The following PIK3C2A variants were observed in gnomAD, a reference collection of about 807,000 sequenced individuals.
The protein encoded by PIK3C2A is phosphatidylinositol 4-phosphate 3-kinase C2 domain-containing subunit alpha.
PIK3C2A carries 97 observed loss-of-function variants against 204.5 expected under a neutral mutation model. That is an observed-to-expected ratio of 0.47 (90% CI 0.40 to 0.56). The LOEUF is 0.56. Among genes scored for constraint, PIK3C2A ranks in the 20% least tolerant of loss-of-function variants. The probability of loss-of-function intolerance (pLI) is 0.00; values close to 1 mark genes in which losing one functional copy is unlikely to be tolerated. For synonymous variants in PIK3C2A, 653 were observed against 664.4 expected, an observed-to-expected ratio of 0.98 and a Z score of 0.26; for missense variants, 1,735 against 1,969.2, an observed-to-expected ratio of 0.88 and a Z score of 2.25.
In PIK3C2A at chr11:17,144,541, T is replaced by C. The variant is rs148655054; in HGVS notation, c.1704+1127A>G. Among the ~76,000 whole-genome samples, 54 of 152,190 alleles carry C rather than the reference T, an allele frequency of 3.5e-4. No individual in the cohort carries two copies. The East Asian group carries it at 9.3e-3, about 26-fold the overall frequency. The stretch of plus-strand genomic sequence containing the variant: ...GAGAATAAACATGTTAATTTAAGCA[T>C]TACTGAAAATTTTGGGGGTAAGTTA... On this transcript the variant is annotated intron_variant, in intron 8 of 32. Coordinates refer to ENST00000691414, the MANE Select transcript of PIK3C2A (RefSeq NM_002645.4).
At chr11:17,166,505 A>G (rs1744621547) in intron 2 of PIK3C2A, among the ~76,000 whole-genome samples, 1 of 152,216 alleles carries the variant, frequency 6.6e-6, no homozygotes, top group African/African-American at 2.4e-5. Flanking sequence ...TGACTTTTCA[A>G]TAATGGGAAG....
chr11:17,134,810 GT>G lies in PIK3C2A; in HGVS notation c.2108+8del. On this transcript the variant is annotated splice_region_variant and intron_variant, in intron 11 of 32. Coordinates refer to ENST00000691414, the MANE Select transcript of PIK3C2A (RefSeq NM_002645.4). ...GCCACCATGCCTGGCTGCTTAAACA[GT>G]TACTTACTTTGATACCCAATTACTT... 1 of 1,602,572 alleles carries G rather than the reference GT, an allele frequency of 6.2e-7. No individual in the cohort carries two copies. Among genetic ancestry groups the G allele is most frequent in the Non-Finnish European group, 8.6e-7 (1 of 1,169,490 alleles).
intron 8 of PIK3C2A, among the ~76,000 whole-genome samples, chr11:17,142,732 C>T (rs1259708427): frequency 1.3e-5 from 2 of 152,042 alleles, no homozygotes; most frequent in African/African-American, 2.4e-5. Context: ...ATCCATCCAT[C>T]GATCCATCCA....
chr11:17,123,730 T>C (rs1849436586), intron 13 of PIK3C2A, among the ~76,000 whole-genome samples: 1 of 151,414 alleles, frequency 6.6e-6, no homozygotes. Flanking sequence ...TGTATATGCA[T>C]GCTATGCTCT....
In PIK3C2A at chr11:17,145,956, T is replaced by A; in HGVS notation, c.1561-14A>T. The A allele has an allele frequency of 8.1e-6, 13 of 1,596,030 alleles. No homozygotes were observed. The highest frequency in any genetic ancestry group is 1.1e-5 in the Non-Finnish European group (13 of 1,165,468). On this transcript the variant is annotated splice_polypyrimidine_tract_variant and intron_variant, in intron 6 of 32. Transcript: ENST00000691414. ...ATCATCTTCTGCCTAAACAAACACA[T>A]ATACACAAAAAAATCACATCCACTC...
Position 17,097,019 on chromosome 11 carries a change from C to T in PIK3C2A, c.4326+38G>A, listed in dbSNP as rs778934208. The T allele has an allele frequency of 1.2e-5, 14 of 1,180,484 alleles. No individual in the cohort carries two copies. The African/African-American group carries it at 1.7e-4, about 14-fold the overall frequency. The allele number at this position is 1,180,484 out of a possible 1,614,324, so 73.1% of individuals were successfully genotyped here. Reference sequence around the variant, plus strand: ...GGAAGTAGAAAGGACAACAATAATACATGCATGATTGTTTATGAATATTGA... The same window carrying T: ...GGAAGTAGAAAGGACAACAATAATATATGCATGATTGTTTATGAATATTGA... On this transcript the variant is annotated intron_variant, in intron 27 of 32. Coordinates refer to ENST00000691414, the MANE Select transcript of PIK3C2A (RefSeq NM_002645.4).
chr11:17,122,132 C>T, intron 15 of PIK3C2A, 56 bp downstream of exon 15: 1 of 1,105,332 alleles, frequency 9.0e-7, no homozygotes, highest in African/African-American at 1.6e-5. Flanking sequence ...TAAGTCCTAA[C>T]TTGACTTTTA....
chr11:17,162,758 G>A, intron 2 of PIK3C2A, among the ~76,000 whole-genome samples: 1 of 152,094 alleles, frequency 6.6e-6, no homozygotes, highest in South Asian at 2.1e-4. Flanking sequence ...CTGCTTCAGG[G>A]GCTGCCTGAT....
chr11:17,089,917 C>A lies in PIK3C2A; in HGVS notation c.4882G>T (p.Val1628Leu). 1 of 1,545,202 alleles carries A rather than the reference C, an allele frequency of 6.5e-7. No homozygotes were observed. Among genetic ancestry groups the A allele is most frequent in the Admixed American group, 2.1e-5 (1 of 48,128 alleles). The change falls in exon 33 of 33, where the codon GTA (valine) becomes TTA (leucine). Residue 1628 changes from valine (V) to leucine (L), a missense_variant. Val to Leu is a conservative substitution (Grantham distance 32). Around this residue, in one of 6 missense-constraint regions of PIK3C2A, gnomAD observed 503 missense variants for 669.0 expected, o/e 0.75. Transcript: ENST00000691414. ...GTTTCTTTGCTATATCCACTGTATA[C>A]AAGCTACAACAAAGGAAAAAAGAAC... ...TRNPTFNEML[V>L]YSGYSKETLR...
intron 2 of PIK3C2A, 75 bp from the exon 3 acceptor site, chr11:17,155,704 C>T (rs2137448963): frequency 1.4e-6 from 1 of 723,168 alleles, no homozygotes; most frequent in Non-Finnish European, 2.4e-6. Flanking sequence ...AGCACAAACA[C>T]ATTTTTATGA....
intron 6 of PIK3C2A, 116 bp downstream of exon 6, chr11:17,147,401 T>C: frequency 1.6e-6 from 1 of 636,988 alleles, no homozygotes; most frequent in East Asian, 2.8e-5. Flanking sequence ...TGAGGATGAG[T>C]TCATCACCCC....
chr11:17,091,424 G>C lies in PIK3C2A; in HGVS notation c.4788C>G (p.Val1596=). 1 of 1,613,682 alleles carries C rather than the reference G, an allele frequency of 6.2e-7. No individual in the cohort carries two copies. The highest frequency in any genetic ancestry group is 1.7e-5 in the Admixed American group (1 of 59,972). ...TEDGADPNPY[V]KTYLLPDNHK... ...GGTTATCTGGAAGTAGGTATGTTTT[G>C]ACATATGGATTTGGGTCAGCTCCAT... Residue 1596 remains valine, a synonymous_variant, in exon 32 of 33, where the codon GTC becomes GTG. Transcript: ENST00000691414.
intron 13 of PIK3C2A, among the ~76,000 whole-genome samples, chr11:17,128,628 A>AT (rs553663064): frequency 1.1e-3 from 163 of 152,190 alleles, no homozygotes; most frequent in African/African-American, 3.7e-3. Flanking sequence ...TTACCCAATT[A>AT]TTTTTCCTTT....
chr11:17,097,122 C>T lies in PIK3C2A; in HGVS notation c.4261G>A (p.Asp1421Asn), dbSNP rs1442155911. The T allele has an allele frequency of 6.8e-6, 11 of 1,610,132 alleles. No individual in the cohort carries two copies. The highest frequency in any genetic ancestry group is 9.4e-6 in the Non-Finnish European group (11 of 1,176,422). The change falls in exon 27 of 33, where the codon GAT becomes AAT. Residue 1421 changes from aspartate (D) to asparagine (N), a missense_variant. Coordinates refer to ENST00000691414, the MANE Select transcript of PIK3C2A (RefSeq NM_002645.4). ...ACAGAGACTTCCTTGATTCGACCAT[C>T]TTGTCTAAAGGAGTATGTTTTAGGT... is the stretch of plus-strand genomic sequence containing the variant. ...FSPKTYSFRQDGRIKEVSVFT... is the reference protein window; with the variant it reads ...FSPKTYSFRQNGRIKEVSVFT...
chr11:17,111,086 T>C (rs1432176859), intron 21 of PIK3C2A, among the ~76,000 whole-genome samples: 1 of 151,926 alleles, frequency 6.6e-6, no homozygotes, highest in Non-Finnish European at 1.5e-5. Context: ...TTTTGTATTT[T>C]TAGTAGAGAT....
chr11:17,191,246 T>C lies in PIK3C2A; in HGVS notation c.-66+16602A>G, dbSNP rs145804461. ...TCCTGAGAGGTAATCTATGTCATAC[T>C]TGACAGGAGTGTCCTTCTGGCCAGG... is the stretch of plus-strand genomic sequence containing the variant. On this transcript the variant is annotated intron_variant, in intron 1 of 32. Transcript: ENST00000691414. Among the ~76,000 whole-genome samples, 915 of 152,294 alleles carry C rather than the reference T, an allele frequency of 6.0e-3. 3 individuals are homozygous for C. Among genetic ancestry groups the C allele is most frequent in the Middle Eastern group, 0.027 (8 of 294 alleles).
At chr11:17,099,790 TTAAAC>T (rs1848562527) in intron 26 of PIK3C2A, 65 bp downstream of exon 26, 4 of 730,134 alleles carry the variant, frequency 5.5e-6, no homozygotes, top group African/African-American at 1.8e-5. Context: ...TAGCATTTGT[TTAAAC>T]TAAGGTAAAA....
rs2137257751 is a variant in PIK3C2A at position 17,090,705 on chromosome 11, A to C, written c.4878+629T>G. On this transcript the variant is annotated intron_variant, in intron 32 of 32. Transcript: ENST00000691414. The stretch of plus-strand genomic sequence containing the variant: ...GGACTGTTATTGGTGTACACTGTAT[A>C]ACAAATAGTTCAGCAACTGATACCT... Among the ~76,000 whole-genome samples, 3 of 152,168 alleles carry C rather than the reference A, an allele frequency of 2.0e-5. No individual in the cohort carries two copies. The Middle Eastern group carries it at 0.01, about 521-fold the overall frequency.
chr11:17,155,255 G>A (rs1040241645), intron 3 of PIK3C2A, among the ~76,000 whole-genome samples: 10 of 152,134 alleles, frequency 6.6e-5, no homozygotes, highest in Admixed American at 4.6e-4. Flanking sequence ...GTGTACTGAA[G>A]CTTACAGGTA....
Sources: allele counts gnomAD v4.1 joint callset (sites outside exome capture counted in the v4.1 genomes callset), GRCh38; gene constraint gnomAD v4.1.1; regional missense constraint gnomAD v4.1.1; transcripts MANE v1.5; gene names NCBI Gene and HGNC (gene_info 2026-07-23, HGNC 2026-07-21).